FBXO32: variants seen among roughly 807,000 people sequenced by gnomAD.
FBXO32 encodes F-box only protein 32.
FBXO32 carries 15 observed loss-of-function variants against 48.3 expected under a neutral mutation model. That is an observed-to-expected ratio of 0.31 (90% CI 0.21 to 0.48). The LOEUF (loss-of-function observed/expected upper bound fraction) is 0.48. FBXO32 is among the 20% of genes least tolerant of loss of function. FBXO32 has a pLI of 0.99. For missense variants in FBXO32, 309 were observed against 432.7 expected (o/e 0.71, Z 2.54); for synonymous variants, 154 against 165.9 (o/e 0.93, Z 0.55).
At chr8:123,507,408 G>A (rs2130504819) in intron 6 of FBXO32, among the ~76,000 whole-genome samples, 1 of 151,108 alleles carries the variant, frequency 6.6e-6, no homozygotes, top group Middle Eastern at 3.4e-3. Context: ...TAAATAGGTA[G>A]AAAACAATAA....
In FBXO32 at chr8:123,525,955, G is replaced by T. The variant is rs184916947; in HGVS notation, c.372+5943C>A. On this transcript the variant is annotated intron_variant, in intron 4 of 8. Coordinates refer to ENST00000517956, the MANE Select transcript of FBXO32 (RefSeq NM_058229.4). The surrounding 1 kb of genome is among the most constrained non-coding windows in gnomAD (Gnocchi z 4.3). ...TTTTTTTCCAGTGGCTTCCTCCTGC[G>T]TACTAGATAATATAGCCTCACACTC... 2.0e-5 allele frequency among the ~76,000 whole-genome samples: 3 copies of T among 151,526 alleles called. No individual in the cohort carries two copies. The highest frequency in any genetic ancestry group is 7.3e-5 in the African/African-American group (3 of 41,202).
intron 1 of FBXO32, among the ~76,000 whole-genome samples, chr8:123,535,740 G>A (rs185758697): frequency 1.3e-5 from 2 of 151,880 alleles, no homozygotes; most frequent in African/African-American, 4.8e-5. Context: ...ACTGAGGTAT[G>A]ATAAGATAGG....
Position 123,526,318 on chromosome 8 carries a change from C to T in FBXO32, c.372+5580G>A, listed in dbSNP as rs556278096. Among the ~76,000 whole-genome samples, 40 of 152,072 alleles carry T rather than the reference C, an allele frequency of 2.6e-4. No homozygotes were observed. In the South Asian group the frequency reaches 7.5e-3, roughly 28 times the overall value. ...TTGGCTCACTGCAACCTTTGCCTCCCGGGTTCAAGTGATTCTCCTGCCTCA... is the reference window on the plus strand; with the variant it reads ...TTGGCTCACTGCAACCTTTGCCTCCTGGGTTCAAGTGATTCTCCTGCCTCA... On this transcript the variant is annotated intron_variant, in intron 4 of 8. Coordinates refer to ENST00000517956, the MANE Select transcript of FBXO32 (RefSeq NM_058229.4).
At position 123,525,323 on chromosome 8, in the gene FBXO32, T is replaced by C. The variant is rs1817051055; in HGVS notation, c.372+6575A>G. ...CAAAGAAACTGGGGTTGCAAGCTTTTATTTGTTCTTCTTGATCCACTAGCA... is the reference window on the plus strand; with the variant it reads ...CAAAGAAACTGGGGTTGCAAGCTTTCATTTGTTCTTCTTGATCCACTAGCA... On this transcript the variant is annotated intron_variant, in intron 4 of 8. Coordinates refer to ENST00000517956, the MANE Select transcript of FBXO32 (RefSeq NM_058229.4). This position sits in a 1 kb window ranked among gnomAD's most constrained non-coding sequence, Gnocchi z 4.3. Among the ~76,000 whole-genome samples, 1 of 152,208 alleles carries C rather than the reference T, an allele frequency of 6.6e-6. No homozygotes were observed. Among genetic ancestry groups the C allele is most frequent in the Admixed American group, 6.5e-5 (1 of 15,284 alleles).
In FBXO32 at chr8:123,540,851, C is replaced by T. The variant is rs1255039603; in HGVS notation, c.116+48G>A. 6.6e-7 allele frequency: 1 copy of T among 1,516,246 alleles called. No individual in the cohort carries two copies. 93.9% of individuals were successfully genotyped at this position (1,516,246 alleles called of 1,614,324 possible). A position where few individuals can be genotyped will look rare whatever the true frequency, so the allele number is the denominator to read the frequency against. ...GCCGTCCCTGCGCCCCCCAGACCAG[C>T]CCGGGTCAGTTTCGCGGGGGCTGGA... On this transcript the variant is annotated intron_variant, in intron 1 of 8. Coordinates refer to ENST00000517956, the MANE Select transcript of FBXO32 (RefSeq NM_058229.4). This position sits in a 1 kb window ranked among gnomAD's most constrained non-coding sequence, Gnocchi z 6.4.
chr8:123,515,638 G>T (rs774817563), intron 4 of FBXO32, among the ~76,000 whole-genome samples: 1 of 152,104 alleles, frequency 6.6e-6, no homozygotes, highest in African/African-American at 2.4e-5. Context: ...AAGTTAGTGC[G>T]TACTTAGTCC....
rs928720829 is a variant in FBXO32, at chr8:123,540,843, C to A, written c.116+56G>T. 1.4e-6 allele frequency: 2 copies of A among 1,472,432 alleles called. No individual in the cohort carries two copies. The highest frequency in any genetic ancestry group is 1.9e-6 in the Non-Finnish European group (2 of 1,065,384). 91.2% of individuals were successfully genotyped at this position (1,472,432 alleles called of 1,614,324 possible). On this transcript the variant is annotated intron_variant, in intron 1 of 8. Transcript: ENST00000517956. This position sits in a 1 kb window ranked among gnomAD's most constrained non-coding sequence, Gnocchi z 6.4. The stretch of plus-strand genomic sequence containing the variant: ...CCTCATTCGCCGTCCCTGCGCCCCC[C>A]AGACCAGCCCGGGTCAGTTTCGCGG...
rs1045537999 is a variant in FBXO32 at position 123,499,017 on chromosome 8, T to G, written c.*4356A>C. The stretch of plus-strand genomic sequence containing the variant: ...TTGAGAAAAATCACATCCAATGTCA[T>G]GTGTTTCCAGCCACACCAAAAGGTG... On this transcript the variant is annotated 3_prime_UTR_variant, in exon 9 of 9. Coordinates refer to ENST00000517956, the MANE Select transcript of FBXO32 (RefSeq NM_058229.4). The G allele has an allele frequency of 6.6e-6, 1 of 152,172 alleles. No homozygotes were observed. Among genetic ancestry groups the G allele is most frequent in the African/African-American group, 2.4e-5 (1 of 41,448 alleles). 9.4% of individuals were successfully genotyped at this position (152,172 alleles called of 1,614,324 possible). A position where few individuals can be genotyped will look rare whatever the true frequency, so the allele number is the denominator to read the frequency against.
At position 123,501,168 on chromosome 8, in the gene FBXO32, C is replaced by T. The variant is rs1816475051; in HGVS notation, c.*2205G>A. On this transcript the variant is annotated 3_prime_UTR_variant, in exon 9 of 9. Coordinates refer to ENST00000517956, the MANE Select transcript of FBXO32 (RefSeq NM_058229.4). ...GGCAACATGTGGAAGGCCATGAACCCCTAAATCTAAAAATGTCACTAAGAG... is the reference window on the plus strand; with the variant it reads ...GGCAACATGTGGAAGGCCATGAACCTCTAAATCTAAAAATGTCACTAAGAG... 1 of 152,066 alleles carries T rather than the reference C, an allele frequency of 6.6e-6. No homozygotes were observed. 9.4% of individuals were successfully genotyped at this position (152,066 alleles called of 1,614,324 possible). A position where few individuals can be genotyped will look rare whatever the true frequency, so the allele number is the denominator to read the frequency against.
intron 4 of FBXO32, chr8:123,527,341 T>G (rs1817101189): frequency 6.6e-6 from 1 of 152,228 alleles, no homozygotes; most frequent in African/African-American, 2.4e-5. Flanking sequence ...CAATAACAGA[T>G]ACTAAATAAC....
intron 4 of FBXO32, among the ~76,000 whole-genome samples, chr8:123,522,479 G>T (rs1360811916): frequency 6.6e-6 from 1 of 152,074 alleles, no homozygotes; most frequent in Non-Finnish European, 1.5e-5. Context: ...AAAGTATTGG[G>T]ATTACAGGTG....
intron 6 of FBXO32, among the ~76,000 whole-genome samples, chr8:123,509,769 A>G (rs912935181): frequency 2.6e-5 from 4 of 152,194 alleles, no homozygotes; most frequent in Admixed American, 2.6e-4. Flanking sequence ...CGTGGGTTCC[A>G]GTACAGCTCT....
chr8:123,519,921 G>A (rs1439808431), intron 4 of FBXO32, among the ~76,000 whole-genome samples: 2 of 152,108 alleles, frequency 1.3e-5, no homozygotes, highest in African/African-American at 4.8e-5. Context: ...CTGAGTAGCT[G>A]GGATTACAGG....
rs189723861 is a variant in FBXO32, at chr8:123,508,314, C to T, written c.652-1740G>A. 2.0e-4 allele frequency among the ~76,000 whole-genome samples: 30 copies of T among 152,174 alleles called. No homozygotes were observed. In the East Asian group the frequency reaches 5.4e-3, roughly 27 times the overall value. On this transcript the variant is annotated intron_variant, in intron 6 of 8. Coordinates refer to ENST00000517956, the MANE Select transcript of FBXO32 (RefSeq NM_058229.4). ...GGTCTGGGCAGTTCTCTCCTGTGTC[C>T]CCAGCAAGGCAGGGTAGGCACGAGG...
chr8:123,520,911 C>T (rs572272711), intron 4 of FBXO32, among the ~76,000 whole-genome samples: 3 of 152,292 alleles, frequency 2.0e-5, no homozygotes, highest in South Asian at 2.1e-4. Context: ...ACAGGTTATT[C>T]GTCTCTCGAA....
intron 4 of FBXO32, among the ~76,000 whole-genome samples, chr8:123,517,367 C>T (rs1816859694): frequency 6.6e-6 from 1 of 152,198 alleles, no homozygotes; most frequent in African/African-American, 2.4e-5. Context: ...GTCTGATTAT[C>T]TTCTCTAAGG....
Position 123,534,747 on chromosome 8 carries a change from T to C in FBXO32, c.184A>G (p.Lys62Glu). Residue 62 changes from lysine to glutamate, a missense_variant, in exon 2 of 9, where the codon AAG becomes GAG. Coordinates refer to ENST00000517956, the MANE Select transcript of FBXO32 (RefSeq NM_058229.4). ...FNSLNYDVAA[K>E]KRKKDMLNSK... is the part of the protein sequence containing the mutation. The stretch of plus-strand genomic sequence containing the variant: ...TTCAGCATGTCCTTCTTTCTCTTCT[T>C]GGCTGCAACATCATAGTTCAGGCTG... 6.2e-7 allele frequency: 1 copy of C among 1,614,038 alleles called. No individual in the cohort carries two copies. Among genetic ancestry groups the C allele is most frequent in the Non-Finnish European group, 8.5e-7 (1 of 1,179,952 alleles).
chr8:123,504,569 T>TG (rs773236310), intron 8 of FBXO32, 35 bp downstream of exon 8: 1 of 1,563,530 alleles, frequency 6.4e-7, no homozygotes, highest in South Asian at 1.1e-5. Context: ...GGGGCTGGGC[T>TG]GGGGGTCTGT....
intron 4 of FBXO32, among the ~76,000 whole-genome samples, chr8:123,516,721 C>G (rs989151529): frequency 6.6e-6 from 1 of 152,160 alleles, no homozygotes; most frequent in Non-Finnish European, 1.5e-5. Flanking sequence ...CCAAACCAAA[C>G]TCCTTTTTCT....
Sources: allele counts gnomAD v4.1 joint callset (sites outside exome capture counted in the v4.1 genomes callset), GRCh38; gene constraint gnomAD v4.1.1; non-coding constraint Gnocchi (gnomAD v3.1); transcripts MANE v1.5; gene names NCBI Gene and HGNC (gene_info 2026-07-23, HGNC 2026-07-21).